Variants in PPP2R2D observed in about 807,000 individuals in gnomAD.
PPP2R2D encodes the protein protein phosphatase 2 regulatory subunit Bdelta.
PPP2R2D carries 9 observed loss-of-function variants against 31.1 expected under a neutral mutation model. The observed-to-expected ratio is 0.29, with a 90% confidence interval of 0.17 to 0.51. The LOEUF is 0.51. Ranked by LOEUF, PPP2R2D falls within the 20% of genes least tolerant of loss-of-function variation. The pLI is 0.98. For missense variants in PPP2R2D, 391 were observed against 465.6 expected (o/e 0.84, Z 1.48); for synonymous variants, 179 against 172.6 (o/e 1.04, Z -0.29).
Position 131,947,453 on chromosome 10 carries a change from C to T in PPP2R2D, c.821-77C>T. 6.7e-7 allele frequency: 1 copy of T among 1,494,578 alleles called. No homozygotes were observed. Among genetic ancestry groups the T allele is most frequent in the Non-Finnish European group, 9.0e-7 (1 of 1,110,448 alleles). The allele number at this position is 1,494,578 out of a possible 1,614,324, so 92.6% of individuals were successfully genotyped here. On this transcript the variant is annotated intron_variant, in intron 7 of 8. Coordinates refer to ENST00000455566, the MANE Select transcript of PPP2R2D (RefSeq NM_018461.5). The surrounding 1 kb of genome is among the most constrained non-coding windows in gnomAD (Gnocchi z 4.3). The stretch of plus-strand genomic sequence containing the variant: ...TTCCAGAGTCTCTCTGAAGGGGCCA[C>T]TTCCTACTTGAACTTGAAAATGATT...
intron 1 of PPP2R2D, 23 bp downstream of exon 1, chr10:131,901,178 C>T (rs1234020885): frequency 1.6e-5 from 5 of 311,822 alleles, no homozygotes; most frequent in Middle Eastern, 8.3e-4. Flanking sequence ...CGCGGGCCGG[C>T]GGGGACCACG....
chr10:131,945,160 G>A lies in PPP2R2D; in HGVS notation c.656-135G>A. On this transcript the variant is annotated intron_variant, in intron 6 of 8. Coordinates refer to ENST00000455566, the MANE Select transcript of PPP2R2D (RefSeq NM_018461.5). The surrounding 1 kb of genome is among the most constrained non-coding windows in gnomAD (Gnocchi z 4.8). ...GGCGCTCCTTTGGAATTCGGGATGTGTAACCAGCCTTCTTAATAGCTAATC... is the reference window on the plus strand; with the variant it reads ...GGCGCTCCTTTGGAATTCGGGATGTATAACCAGCCTTCTTAATAGCTAATC... The A allele has an allele frequency of 9.6e-7, 1 of 1,041,356 alleles. No individual in the cohort carries two copies. Among genetic ancestry groups the A allele is most frequent in the Non-Finnish European group, 1.4e-6 (1 of 739,740 alleles). 64.5% of individuals were successfully genotyped at this position (1,041,356 alleles called of 1,614,324 possible).
At chr10:131,923,559 C>T (rs1386723956) in intron 2 of PPP2R2D, among the ~76,000 whole-genome samples, 4 of 152,108 alleles carry the variant, frequency 2.6e-5, no homozygotes, top group African/African-American at 2.4e-5. Flanking sequence ...TTTGTAATCC[C>T]GCCGTCAATG....
chr10:131,955,640 TC>T (rs782069814), intron 8 of PPP2R2D, 43 bp from the exon 9 acceptor site: 2 of 1,357,088 alleles, frequency 1.5e-6, no homozygotes, highest in East Asian at 5.4e-5. Flanking sequence ...TTGCTGCCGC[TC>T]CCCCCACTGA....
intron 6 of PPP2R2D, 125 bp downstream of exon 6, chr10:131,944,270 C>T: frequency 1.4e-6 from 1 of 728,676 alleles, no homozygotes; most frequent in Non-Finnish European, 2.2e-6. Flanking sequence ...TGCACAGCAG[C>T]CTGTGATGTA....
At chr10:131,937,136 A>G (rs2036358184) in intron 3 of PPP2R2D, among the ~76,000 whole-genome samples, 1 of 152,190 alleles carries the variant, frequency 6.6e-6, no homozygotes, top group South Asian at 2.1e-4. Context: ...AGTGAGCACC[A>G]GATTGTGGAA....
Position 131,959,753 on chromosome 10 carries a change from C to T in PPP2R2D, c.*3790C>T, listed in dbSNP as rs2036897484. The T allele has an allele frequency of 6.6e-6, 1 of 152,222 alleles. No homozygotes were observed. The highest frequency in any genetic ancestry group is 2.4e-5 in the African/African-American group (1 of 41,434). 9.4% of individuals were successfully genotyped at this position (152,222 alleles called of 1,614,324 possible). On this transcript the variant is annotated 3_prime_UTR_variant, in exon 9 of 9. Transcript: ENST00000455566. The stretch of plus-strand genomic sequence containing the variant: ...CATTAGTCAACCCTGGTCCTTAAGA[C>T]AGTTCTAGTAAAATGGGATTGTATA...
chr10:131,913,668 C>T (rs1281281665), intron 2 of PPP2R2D, among the ~76,000 whole-genome samples: 1 of 152,126 alleles, frequency 6.6e-6, no homozygotes, highest in African/African-American at 2.4e-5. Flanking sequence ...TTTTGGCATG[C>T]GAGCATCTGA....
chr10:131,945,268 C>T lies in PPP2R2D; in HGVS notation c.656-27C>T. The T allele has an allele frequency of 6.2e-7, 1 of 1,601,758 alleles. No homozygotes were observed. The highest frequency in any genetic ancestry group is 8.5e-7 in the Non-Finnish European group (1 of 1,172,810). On this transcript the variant is annotated intron_variant, in intron 6 of 8. Coordinates refer to ENST00000455566, the MANE Select transcript of PPP2R2D (RefSeq NM_018461.5). The surrounding 1 kb of genome is among the most constrained non-coding windows in gnomAD (Gnocchi z 4.8). ...CTAATTAACAACCAGCTGAGCTGAGCACTGTGCCTTAACCATGCACTCCCA... is the reference window on the plus strand; with the variant it reads ...CTAATTAACAACCAGCTGAGCTGAGTACTGTGCCTTAACCATGCACTCCCA...
At chr10:131,913,054 GCT>G (rs2035709579) in intron 2 of PPP2R2D, among the ~76,000 whole-genome samples, 2 of 151,978 alleles carry the variant, frequency 1.3e-5, no homozygotes, top group Non-Finnish European at 2.9e-5. Flanking sequence ...ATGAAATCTC[GCT>G]CTGTCACCCA....
intron 2 of PPP2R2D, among the ~76,000 whole-genome samples, chr10:131,921,087 A>G (rs933772576): frequency 1.2e-4 from 18 of 152,158 alleles, no homozygotes; most frequent in Non-Finnish European, 4.4e-5. Context: ...CTAAAGTTTG[A>G]GATGTGCTTT....
intron 2 of PPP2R2D, among the ~76,000 whole-genome samples, chr10:131,913,828 G>C (rs1047227688): frequency 0.01 from 1,535 of 152,266 alleles, 16 homozygotes; most frequent in African/African-American, 0.023. Context: ...CTGGAGTAGT[G>C]ACAGAAGTCT....
chr10:131,941,383 T>C (rs2036438136), intron 5 of PPP2R2D, among the ~76,000 whole-genome samples: 1 of 152,162 alleles, frequency 6.6e-6, no homozygotes, highest in African/African-American at 2.4e-5. Context: ...AGATGGAACA[T>C]GGTGAAGGGT....
intron 2 of PPP2R2D, among the ~76,000 whole-genome samples, chr10:131,933,530 A>T (rs1470812680): frequency 1.3e-5 from 2 of 152,154 alleles, no homozygotes; most frequent in African/African-American, 4.8e-5. Context: ...GAGGAGTCCC[A>T]CTGTGGCCAT....
At chr10:131,934,939 A>G in intron 3 of PPP2R2D, 2 of 456,878 alleles carry the variant, frequency 4.4e-6, no homozygotes, top group Non-Finnish European at 8.8e-6. Flanking sequence ...AAGTGTGAGC[A>G]GCTTTCTCAG....
In PPP2R2D at chr10:131,956,169, G is replaced by A; in HGVS notation, c.*206G>A. 1 of 1,233,216 alleles carries A rather than the reference G, an allele frequency of 8.1e-7. No homozygotes were observed. The highest frequency in any genetic ancestry group is 1.0e-6 in the Non-Finnish European group (1 of 989,010). 76.4% of individuals were successfully genotyped at this position (1,233,216 alleles called of 1,614,324 possible). A position where few individuals can be genotyped will look rare whatever the true frequency, so the allele number is the denominator to read the frequency against. ...CGAGACAGGCGCTGCTGCTCACGTGGAGACGCTCTCGAAGCAGAGTTGACG... is the reference window on the plus strand; with the variant it reads ...CGAGACAGGCGCTGCTGCTCACGTGAAGACGCTCTCGAAGCAGAGTTGACG... On this transcript the variant is annotated 3_prime_UTR_variant, in exon 9 of 9. Transcript: ENST00000455566.
intron 2 of PPP2R2D, among the ~76,000 whole-genome samples, chr10:131,917,001 A>G (rs1293671962): frequency 2.2e-5 from 3 of 135,764 alleles, no homozygotes; most frequent in East Asian, 2.1e-4. Context: ...AGGTGGGTGG[A>G]ATGACACAGT....
At chr10:131,923,136 G>T (rs1043272203) in intron 2 of PPP2R2D, among the ~76,000 whole-genome samples, 1 of 152,160 alleles carries the variant, frequency 6.6e-6, no homozygotes, top group Admixed American at 6.5e-5. Context: ...CCCACTAGCA[G>T]TCCCTCCCAT....
chr10:131,941,552 C>T (rs375242211), intron 5 of PPP2R2D, among the ~76,000 whole-genome samples: 2 of 150,376 alleles, frequency 1.3e-5, no homozygotes, highest in Non-Finnish European at 3.0e-5. Context: ...GGTTTGGTTG[C>T]GGGGGGTGGG....
Sources: allele counts gnomAD v4.1 joint callset (sites outside exome capture counted in the v4.1 genomes callset), GRCh38; gene constraint gnomAD v4.1.1; non-coding constraint Gnocchi (gnomAD v3.1); transcripts MANE v1.5; gene names NCBI Gene and HGNC (gene_info 2026-07-23, HGNC 2026-07-21).